PLPP4: variants seen among roughly 807,000 people sequenced by gnomAD.
PLPP4 encodes diacylglycerol pyrophosphate like 2.
Under a neutral mutation model 32.2 loss-of-function variants are expected in PLPP4, and 20 were observed. The observed-to-expected ratio is 0.62, with a 90% CI of 0.44 to 0.90. The LOEUF is 0.90. Among genes scored for constraint, PLPP4 ranks in the 40% least tolerant of loss-of-function variants. The pLI is 0.00. For missense variants in PLPP4, 257 were observed against 353.1 expected (o/e 0.73, Z 2.18); for synonymous variants, 127 against 133.0 (o/e 0.95, Z 0.31).
intron 1 of PLPP4, among the ~76,000 whole-genome samples, chr10:120,457,841 G>C (rs1319972679): frequency 6.6e-6 from 1 of 152,198 alleles, no homozygotes; most frequent in Non-Finnish European, 1.5e-5. Context: ...CCTGGCGAGC[G>C]TTTTCCCAGC....
chr10:120,497,604 A>T (rs80006922), intron 1 of PLPP4, among the ~76,000 whole-genome samples: 6,581 of 152,262 alleles, frequency 0.043, 182 homozygotes, highest in Middle Eastern at 0.14. Context: ...AATTTTCTTC[A>T]TGAATTTTTT....
chr10:120,543,813 G>A (rs1571095), intron 5 of PLPP4, among the ~76,000 whole-genome samples: 7,967 of 152,110 alleles, frequency 0.052, 294 homozygotes, highest in Middle Eastern at 0.14. Flanking sequence ...TCTGTTTTCC[G>A]CCTGTGATTT....
intron 5 of PLPP4, among the ~76,000 whole-genome samples, chr10:120,574,021 A>T (rs969620950): frequency 1.3e-5 from 2 of 151,990 alleles, no homozygotes; most frequent in East Asian, 3.9e-4. Context: ...CTAATCAAGA[A>T]GAAAGTTTGG....
At position 120,531,193 on chromosome 10, in the gene PLPP4, C is replaced by T. The variant is rs564063520; in HGVS notation, c.445+10098C>T. ...AACCTCTGGCTCACTACAATCTCCACCTCCTGGGTTCAAGTGATTCTTCTG... is the reference window on the plus strand; with the variant it reads ...AACCTCTGGCTCACTACAATCTCCATCTCCTGGGTTCAAGTGATTCTTCTG... On this transcript the variant is annotated intron_variant, in intron 5 of 6. Coordinates refer to ENST00000398250, the MANE Select transcript of PLPP4 (RefSeq NM_001030059.3). Among the ~76,000 whole-genome samples the T allele has an allele frequency of 1.6e-3, 248 of 151,270 alleles. 1 individual carries two copies. Among genetic ancestry groups the T allele is most frequent in the South Asian group, 0.011 (50 of 4,758 alleles).
intron 5 of PLPP4, among the ~76,000 whole-genome samples, chr10:120,544,231 G>A (rs1421413033): frequency 3.3e-5 from 5 of 152,058 alleles, no homozygotes; most frequent in Non-Finnish European, 5.9e-5. Flanking sequence ...ACATTTCCAC[G>A]AACAGTACAT....
intron 5 of PLPP4, among the ~76,000 whole-genome samples, chr10:120,566,186 C>A (rs1370121297): frequency 6.6e-6 from 1 of 152,062 alleles, no homozygotes; most frequent in Non-Finnish European, 1.5e-5. Flanking sequence ...GCCAGTTTTT[C>A]TTATAGGTTC....
intron 2 of PLPP4, among the ~76,000 whole-genome samples, chr10:120,512,450 A>G (rs1036862938): frequency 1.3e-5 from 2 of 152,232 alleles, no homozygotes; most frequent in Admixed American, 6.5e-5. Context: ...AAATGGTAGC[A>G]GGTAAGGAGA....
At chr10:120,534,144 G>T (rs1353959133) in intron 5 of PLPP4, among the ~76,000 whole-genome samples, 1 of 151,946 alleles carries the variant, frequency 6.6e-6, no homozygotes, top group African/African-American at 2.4e-5. Context: ...TGTGAGGGGG[G>T]TCTGCTAGCA....
intron 1 of PLPP4, among the ~76,000 whole-genome samples, chr10:120,501,160 C>T (rs1234139378): frequency 2.0e-5 from 3 of 151,880 alleles, no homozygotes; most frequent in Non-Finnish European, 1.5e-5. Context: ...CTCTCAATTT[C>T]CTGATCCACA....
At chr10:120,528,683 C>T (rs1431772388) in intron 5 of PLPP4, among the ~76,000 whole-genome samples, 2 of 152,134 alleles carry the variant, frequency 1.3e-5, no homozygotes, top group Non-Finnish European at 2.9e-5. Context: ...CCCCTAGATC[C>T]TGGGAGGCTT....
chr10:120,540,556 A>G (rs1554891238), intron 5 of PLPP4, among the ~76,000 whole-genome samples: 1 of 152,200 alleles, frequency 6.6e-6, no homozygotes, highest in Non-Finnish European at 1.5e-5. Context: ...GAGGCATCGC[A>G]TCCTCCTGGC....
At chr10:120,566,168 T>C (rs1312444371) in intron 5 of PLPP4, among the ~76,000 whole-genome samples, 2 of 152,204 alleles carry the variant, frequency 1.3e-5, no homozygotes, top group African/African-American at 4.8e-5. Flanking sequence ...TATCTAAACT[T>C]GTTATTAGCC....
At chr10:120,557,337 T>G (rs925013610) in intron 5 of PLPP4, among the ~76,000 whole-genome samples, 40 of 152,326 alleles carry the variant, frequency 2.6e-4, no homozygotes, top group African/African-American at 9.6e-4. Flanking sequence ...CCTTGAATGC[T>G]CCCTGGGCTC....
At chr10:120,466,442 A>G (rs1209213871) in intron 1 of PLPP4, among the ~76,000 whole-genome samples, 2 of 152,200 alleles carry the variant, frequency 1.3e-5, no homozygotes, top group Non-Finnish European at 2.9e-5. Flanking sequence ...GCTACCCACA[A>G]CAACAGAGAT....
chr10:120,488,850 GT>G (rs2133833100), intron 1 of PLPP4, among the ~76,000 whole-genome samples: 1 of 152,308 alleles, frequency 6.6e-6, no homozygotes, highest in African/African-American at 2.4e-5. Flanking sequence ...TTAAGTTCCA[GT>G]TTTGATGCTT....
upstream of PLPP4, chr10:120,457,207 C>A: frequency 1.1e-6 from 1 of 916,282 alleles, no homozygotes. Flanking sequence ...CTGGAGCGCG[C>A]CTCCCTCGCC....
At position 120,481,852 on chromosome 10, in the gene PLPP4, T is replaced by A. The variant is rs146666077; in HGVS notation, c.57-21966T>A. On this transcript the variant is annotated intron_variant, in intron 1 of 6. Coordinates refer to ENST00000398250, the MANE Select transcript of PLPP4 (RefSeq NM_001030059.3). ...GTGGGAGAGACCCAGTGGGAGGTAA[T>A]TGAATCATGGGGGCAGGTCTTTCTT... Among the ~76,000 whole-genome samples the A allele has an allele frequency of 3.4e-3, 524 of 152,304 alleles. 3 individuals carry two copies. Among genetic ancestry groups the A allele is most frequent in the African/African-American group, 0.012 (496 of 41,564 alleles).
intron 5 of PLPP4, among the ~76,000 whole-genome samples, chr10:120,556,033 A>G (rs903554690): frequency 5.3e-5 from 8 of 152,200 alleles, no homozygotes; most frequent in African/African-American, 1.7e-4. Flanking sequence ...CTAAAGTGGT[A>G]AGGCCTGTTA....
At chr10:120,516,994 C>T (rs894418701) in intron 3 of PLPP4, among the ~76,000 whole-genome samples, 2 of 152,212 alleles carry the variant, frequency 1.3e-5, no homozygotes, top group Admixed American at 6.5e-5. Flanking sequence ...AGGGAAGTTG[C>T]CAACTGTAGG....
Sources: allele counts gnomAD v4.1 joint callset (sites outside exome capture counted in the v4.1 genomes callset), GRCh38; gene constraint gnomAD v4.1.1; transcripts MANE v1.5; gene names NCBI Gene and HGNC (gene_info 2026-07-23, HGNC 2026-07-21).